Variants in RGS7BP observed in about 807,000 individuals in gnomAD.
RGS7BP encodes the protein regulator of G protein signaling 7 binding protein, also known as regulator of G protein signaling 7-binding protein.
Under a neutral mutation model 31.3 loss-of-function variants are expected in RGS7BP, and 9 were observed. The observed-to-expected ratio is 0.29, with a 90% confidence interval of 0.17 to 0.50. RGS7BP has a LOEUF of 0.50. Ranked by LOEUF, RGS7BP falls within the 20% of genes least tolerant of loss-of-function variation. RGS7BP has a pLI of 0.98. For missense variants in RGS7BP, 274 were observed against 322.0 expected (o/e 0.85, Z 1.14); for synonymous variants, 115 against 120.1 (o/e 0.96, Z 0.28).
chr5:64,591,064 A>G (rs2111947585), intron 3 of RGS7BP, among the ~76,000 whole-genome samples: 1 of 152,266 alleles, frequency 6.6e-6, no homozygotes, highest in Non-Finnish European at 1.5e-5. Flanking sequence ...AGCTTTGACT[A>G]TACAAATTTA....
At chr5:64,545,774 T>C (rs1741644399) in intron 2 of RGS7BP, among the ~76,000 whole-genome samples, 1 of 152,190 alleles carries the variant, frequency 6.6e-6, no homozygotes, top group Non-Finnish European at 1.5e-5. Flanking sequence ...TGCGATTCAT[T>C]GAGCTAGGGC....
chr5:64,564,184 A>G (rs1742117535), intron 2 of RGS7BP, among the ~76,000 whole-genome samples: 1 of 152,200 alleles, frequency 6.6e-6, no homozygotes, highest in African/African-American at 2.4e-5. Context: ...CTCTTAATAC[A>G]GTTCCATATA....
At chr5:64,531,803 G>C (rs927225271) in intron 2 of RGS7BP, among the ~76,000 whole-genome samples, 1 of 152,194 alleles carries the variant, frequency 6.6e-6, no homozygotes, top group African/African-American at 2.4e-5. Flanking sequence ...AAGAATTAGA[G>C]AGAATTTTTC....
intron 2 of RGS7BP, among the ~76,000 whole-genome samples, chr5:64,555,400 A>G (rs1046494774): frequency 6.6e-6 from 1 of 152,108 alleles, no homozygotes; most frequent in Non-Finnish European, 1.5e-5. Flanking sequence ...ATAGTAGTTT[A>G]TTTTTTACAT....
chr5:64,543,035 C>T (rs890724362), intron 2 of RGS7BP, among the ~76,000 whole-genome samples: 2 of 152,068 alleles, frequency 1.3e-5, no homozygotes, highest in Non-Finnish European at 2.9e-5. Flanking sequence ...TTGAAAATGG[C>T]ACGATATTGA....
intron 3 of RGS7BP, among the ~76,000 whole-genome samples, chr5:64,592,484 G>T (rs372703494): frequency 6.6e-6 from 1 of 152,070 alleles, no homozygotes; most frequent in African/African-American, 2.4e-5. Flanking sequence ...AATAATCACA[G>T]GTATTAAGTA....
chr5:64,607,128 T>A (rs1340315249), intron 5 of RGS7BP, among the ~76,000 whole-genome samples: 2 of 152,060 alleles, frequency 1.3e-5, no homozygotes, highest in African/African-American at 2.4e-5. Context: ...GATACTAATT[T>A]ACAAATAAGT....
At chr5:64,553,409 T>G (rs1580424902) in intron 2 of RGS7BP, among the ~76,000 whole-genome samples, 1 of 152,112 alleles carries the variant, frequency 6.6e-6, no homozygotes, top group Non-Finnish European at 1.5e-5. Flanking sequence ...TGACCTCAGG[T>G]GATCCACCTG....
At chr5:64,593,598 C>T (rs1250082162) in intron 3 of RGS7BP, among the ~76,000 whole-genome samples, 1 of 152,112 alleles carries the variant, frequency 6.6e-6, no homozygotes, top group Non-Finnish European at 1.5e-5. Context: ...TAATAGCTAC[C>T]CTTTTTTCCA....
At chr5:64,544,024 A>T (rs1044869836) in intron 2 of RGS7BP, among the ~76,000 whole-genome samples, 58 of 152,226 alleles carry the variant, frequency 3.8e-4, no homozygotes, top group Non-Finnish European at 6.0e-4. Context: ...GCACCTTTGG[A>T]TTTACCGATC....
chr5:64,579,557 A>G (rs1742531715), intron 3 of RGS7BP, among the ~76,000 whole-genome samples: 1 of 150,034 alleles, frequency 6.7e-6, no homozygotes, highest in South Asian at 2.1e-4. Flanking sequence ...AAAAAAAAAA[A>G]AAAAAAAAAA....
At chr5:64,569,384 A>G (rs1453489134) in intron 2 of RGS7BP, among the ~76,000 whole-genome samples, 1 of 152,102 alleles carries the variant, frequency 6.6e-6, no homozygotes, top group Admixed American at 6.6e-5. Flanking sequence ...TGGAGACAAG[A>G]CTCAACTATA....
intron 2 of RGS7BP, among the ~76,000 whole-genome samples, chr5:64,515,935 GA>G (rs1699929951): frequency 6.6e-6 from 1 of 151,866 alleles, no homozygotes; most frequent in South Asian, 2.1e-4. Flanking sequence ...GAGTAGCTGG[GA>G]CTACAGGCAT....
chr5:64,542,447 A>G (rs939201885), intron 2 of RGS7BP, among the ~76,000 whole-genome samples: 2 of 152,252 alleles, frequency 1.3e-5, no homozygotes, highest in African/African-American at 4.8e-5. Flanking sequence ...ACTACCTCCC[A>G]ATCTCTAGCC....
At chr5:64,568,276 G>T (rs1742217793) in intron 2 of RGS7BP, among the ~76,000 whole-genome samples, 1 of 152,048 alleles carries the variant, frequency 6.6e-6, no homozygotes, top group African/African-American at 2.4e-5. Flanking sequence ...GTCTCTGCTA[G>T]CTCTGAGAAT....
intron 5 of RGS7BP, among the ~76,000 whole-genome samples, chr5:64,607,631 G>A (rs1011173049): frequency 3.3e-5 from 5 of 151,968 alleles, no homozygotes; most frequent in Non-Finnish European, 5.9e-5. Flanking sequence ...GAAGCCTCCA[G>A]GTAGCAGACT....
At chr5:64,564,318 G>A (rs1742121522) in intron 2 of RGS7BP, among the ~76,000 whole-genome samples, 1 of 152,100 alleles carries the variant, frequency 6.6e-6, no homozygotes, top group Non-Finnish European at 1.5e-5. Context: ...CAACTACACA[G>A]TTTCAAGGAT....
intron 2 of RGS7BP, among the ~76,000 whole-genome samples, chr5:64,557,136 T>C (rs545591280): frequency 6.6e-6 from 1 of 152,232 alleles, no homozygotes; most frequent in Admixed American, 6.6e-5. Flanking sequence ...AAAACTGTAA[T>C]GTAAAAACTA....
intron 5 of RGS7BP, among the ~76,000 whole-genome samples, chr5:64,606,039 TAG>T (rs372992231): frequency 0.076 from 9,449 of 123,590 alleles, 693 homozygotes; most frequent in Middle Eastern, 0.13. Context: ...TATATATATA[TAG>T]AGAGAGAGAG....
Sources: allele counts gnomAD v4.1 joint callset (sites outside exome capture counted in the v4.1 genomes callset), GRCh38; gene constraint gnomAD v4.1.1; transcripts MANE v1.5; gene names NCBI Gene and HGNC (gene_info 2026-07-23, HGNC 2026-07-21).